The following PTPRD variants were observed in gnomAD, a reference collection of about 807,000 sequenced individuals.
PTPRD encodes receptor-type tyrosine-protein phosphatase delta.
PTPRD carries 34 observed loss-of-function variants against 214.5 expected under a neutral mutation model. The observed-to-expected ratio is 0.16, with a 90% CI of 0.12 to 0.21. PTPRD has a LOEUF of 0.21. PTPRD is among the 10% of genes least tolerant of loss of function. The pLI is 1.00. For synonymous variants in PTPRD, 1,128 were observed against 845.7 expected, an observed-to-expected ratio of 1.33 and a Z score of -5.79; for missense variants, 2,545 against 2,398.7, an observed-to-expected ratio of 1.06 and a Z score of -1.27.
chr9:10,094,767 T>A (rs1430921207), intron 3 of PTPRD, among the ~76,000 whole-genome samples: 1 of 151,440 alleles, frequency 6.6e-6, no homozygotes, highest in African/African-American at 2.4e-5. Context: ...GTGATGACAG[T>A]AAGCTAATTT....
At chr9:9,851,506 C>A (rs111341117) in intron 5 of PTPRD, among the ~76,000 whole-genome samples, 6 of 152,320 alleles carry the variant, frequency 3.9e-5, no homozygotes, top group African/African-American at 1.2e-4. Context: ...GATTCACATT[C>A]TTCAAGCAAC....
chr9:10,276,088 T>C (rs2094672992), intron 3 of PTPRD, among the ~76,000 whole-genome samples: 1 of 152,198 alleles, frequency 6.6e-6, no homozygotes, highest in South Asian at 2.1e-4. Context: ...CCTAATCTTC[T>C]GAGAAAGTTT....
At chr9:9,754,819 T>C (rs2098553540) in intron 6 of PTPRD, among the ~76,000 whole-genome samples, 1 of 152,058 alleles carries the variant, frequency 6.6e-6, no homozygotes. Flanking sequence ...CTGAATAAGC[T>C]GTCACGTTCT....
At chr9:9,507,208 G>A (rs577557932) in intron 8 of PTPRD, among the ~76,000 whole-genome samples, 2 of 151,186 alleles carry the variant, frequency 1.3e-5, no homozygotes, top group East Asian at 1.9e-4. Context: ...GCATTATAAT[G>A]TCAATTTTGT....
At chr9:9,901,323 C>T (rs1490843601) in intron 5 of PTPRD, among the ~76,000 whole-genome samples, 3 of 152,076 alleles carry the variant, frequency 2.0e-5, no homozygotes, top group Non-Finnish European at 4.4e-5. Flanking sequence ...ATTAGACCTT[C>T]GATGTTCAAC....
intron 10 of PTPRD, among the ~76,000 whole-genome samples, chr9:9,024,280 A>G (rs188215636): frequency 6.7e-6 from 1 of 149,930 alleles, no homozygotes; most frequent in East Asian, 2.0e-4. Flanking sequence ...TTAAATTTTA[A>G]TTTTATGGAT....
At chr9:8,572,957 T>C (rs572396783) in intron 14 of PTPRD, among the ~76,000 whole-genome samples, 183 of 152,184 alleles carry the variant, frequency 1.2e-3, no homozygotes, top group African/African-American at 4.1e-3. Flanking sequence ...GTTGTTGATA[T>C]ATTTTAACTT....
chr9:10,172,641 G>A (rs916877416), intron 3 of PTPRD, among the ~76,000 whole-genome samples: 5 of 152,222 alleles, frequency 3.3e-5, no homozygotes, highest in Non-Finnish European at 5.9e-5. Flanking sequence ...ATTTAATGCT[G>A]AACTGAATTA....
intron 39 of PTPRD, among the ~76,000 whole-genome samples, chr9:8,366,997 G>A (rs1051739163): frequency 6.6e-6 from 1 of 152,128 alleles, no homozygotes; most frequent in East Asian, 1.9e-4. Flanking sequence ...CAGTAATGGT[G>A]GCACATCTTT....
At chr9:8,673,969 A>G (rs2097345253) in intron 12 of PTPRD, among the ~76,000 whole-genome samples, 1 of 152,190 alleles carries the variant, frequency 6.6e-6, no homozygotes. Context: ...TCCAAACGTT[A>G]CCAAATATTC....
chr9:10,044,182 A>G (rs1381831772), intron 3 of PTPRD, among the ~76,000 whole-genome samples: 2 of 150,938 alleles, frequency 1.3e-5, no homozygotes, highest in Non-Finnish European at 3.0e-5. Context: ...TATTCTCCCT[A>G]TAATTGTGTT....
chr9:10,151,388 G>A (rs1045164128), intron 3 of PTPRD, among the ~76,000 whole-genome samples: 25 of 148,096 alleles, frequency 1.7e-4, no homozygotes, highest in South Asian at 8.8e-4. Context: ...TCAGCCTCCC[G>A]AGTAGCTGGG....
intron 3 of PTPRD, among the ~76,000 whole-genome samples, chr9:10,172,558 G>C (rs1460139261): frequency 1.3e-5 from 2 of 152,076 alleles, no homozygotes; most frequent in Non-Finnish European, 2.9e-5. Context: ...GCCTTGTTGG[G>C]ACCTGCCATT....
At chr9:10,390,485 G>A (rs1234084086) in intron 2 of PTPRD, among the ~76,000 whole-genome samples, 1 of 151,804 alleles carries the variant, frequency 6.6e-6, no homozygotes, top group East Asian at 1.9e-4. Context: ...GCTTATTTCT[G>A]CCCACGAGTT....
intron 8 of PTPRD, among the ~76,000 whole-genome samples, chr9:9,431,505 G>T (rs199679746): frequency 6.6e-6 from 1 of 151,764 alleles, no homozygotes; most frequent in African/African-American, 2.4e-5. Flanking sequence ...GCAATTCCTC[G>T]AGGATCTACA....
At chr9:8,386,294 C>T (rs1337884872) in intron 37 of PTPRD, among the ~76,000 whole-genome samples, 1 of 152,088 alleles carries the variant, frequency 6.6e-6, no homozygotes, top group Non-Finnish European at 1.5e-5. Flanking sequence ...TGGTGGTATC[C>T]CCATGCAGTC....
chr9:9,421,158 G>A (rs1489105539), intron 8 of PTPRD, among the ~76,000 whole-genome samples: 3 of 151,614 alleles, frequency 2.0e-5, no homozygotes, highest in Non-Finnish European at 4.4e-5. Flanking sequence ...CCATAACCTC[G>A]AGAGCCATAA....
intron 2 of PTPRD, among the ~76,000 whole-genome samples, chr9:10,370,352 A>G (rs2097585948): frequency 6.6e-6 from 1 of 152,090 alleles, no homozygotes. Context: ...GAGTGACTGC[A>G]TTAATTTAAT....
At chr9:9,959,023 G>C (rs1404174568) in intron 4 of PTPRD, among the ~76,000 whole-genome samples, 2 of 152,156 alleles carry the variant, frequency 1.3e-5, no homozygotes, top group African/African-American at 2.4e-5. Context: ...GTTTCTAAAA[G>C]TTATGTTCAC....
Sources: allele counts gnomAD v4.1 joint callset (sites outside exome capture counted in the v4.1 genomes callset), GRCh38; gene constraint gnomAD v4.1.1; transcripts MANE v1.5; gene names NCBI Gene and HGNC (gene_info 2026-07-23, HGNC 2026-07-21).